The following NRG2 variants were observed in gnomAD, a reference collection of about 807,000 sequenced individuals.
The protein encoded by NRG2 is neuregulin 2, also known as pro-neuregulin-2, membrane-bound isoform.
A neutral mutation model predicts 73.9 loss-of-function variants in NRG2; 27 were observed. That is an observed-to-expected ratio of 0.37 (90% confidence interval 0.27 to 0.50). NRG2 has a LOEUF of 0.50. Ranked by LOEUF, NRG2 falls within the 20% of genes least tolerant of loss-of-function variation. The pLI is 0.96. For missense variants in NRG2, 1,126 were observed against 1,210.1 expected (o/e 0.93, Z 1.03); for synonymous variants, 532 against 541.0 (o/e 0.98, Z 0.23).
intron 1 of NRG2, among the ~76,000 whole-genome samples, chr5:139,890,851 C>T (rs1764171285): frequency 6.6e-6 from 1 of 152,158 alleles, no homozygotes; most frequent in African/African-American, 2.4e-5. Context: ...GTGTATATAG[C>T]TCAATGACTG....
chr5:140,033,528 G>A (rs1331654368), intron 1 of NRG2, among the ~76,000 whole-genome samples: 1 of 152,154 alleles, frequency 6.6e-6, no homozygotes, highest in East Asian at 1.9e-4. Context: ...AGATCTGTGG[G>A]CTACTTGGGA....
chr5:139,983,423 C>A (rs2126567880), intron 1 of NRG2, among the ~76,000 whole-genome samples: 1 of 152,364 alleles, frequency 6.6e-6, no homozygotes, highest in Non-Finnish European at 1.5e-5. Context: ...GCGGGCCCAT[C>A]TGGATCTGCT....
intron 2 of NRG2, among the ~76,000 whole-genome samples, chr5:139,882,258 G>T (rs185690440): frequency 1.3e-5 from 2 of 152,250 alleles, no homozygotes; most frequent in East Asian, 3.9e-4. Flanking sequence ...GGCTGGGCCA[G>T]GGTCAAGGAG....
At chr5:140,023,731 C>T (rs1423830980) in intron 1 of NRG2, among the ~76,000 whole-genome samples, 2 of 152,108 alleles carry the variant, frequency 1.3e-5, no homozygotes, top group African/African-American at 2.4e-5. Flanking sequence ...GACTGCACAC[C>T]CATCTAGCTG....
intron 2 of NRG2, among the ~76,000 whole-genome samples, chr5:139,884,132 AAGGGGGTATCTGGGTAC>A (rs1240753724): frequency 6.6e-6 from 1 of 152,100 alleles, no homozygotes; most frequent in African/African-American, 2.4e-5. Context: ...TATAGCGGAG[AAGGGGGTATCTGGGTAC>A]AGGGATCCAG....
At chr5:139,899,886 C>T (rs187880848) in intron 1 of NRG2, among the ~76,000 whole-genome samples, 430 of 152,300 alleles carry the variant, frequency 2.8e-3, no homozygotes, top group South Asian at 6.4e-3. Context: ...CTTAAGATCT[C>T]ATCCTGCCAC....
At position 139,865,706 on chromosome 5, in the gene NRG2, G is replaced by T; in HGVS notation, c.1113-81C>A. On this transcript the variant is annotated intron_variant, in intron 4 of 9. Coordinates refer to ENST00000361474, the MANE Select transcript of NRG2 (RefSeq NM_004883.3). This position sits in a 1 kb window ranked among gnomAD's most constrained non-coding sequence, Gnocchi z 5.2. ...AAGGTTAGAAATCAAAGTGCACAGT[G>T]ATGAATGAGAAAAACCAAGTCAGGC... The T allele has an allele frequency of 8.2e-7, 1 of 1,215,546 alleles. No homozygotes were observed. Among genetic ancestry groups the T allele is most frequent in the Non-Finnish European group, 1.2e-6 (1 of 851,296 alleles). 75.3% of individuals were successfully genotyped at this position (1,215,546 alleles called of 1,614,324 possible). A position where few individuals can be genotyped will look rare whatever the true frequency, so the allele number is the denominator to read the frequency against.
At chr5:140,021,468 A>G (rs1479832695) in intron 1 of NRG2, among the ~76,000 whole-genome samples, 1 of 152,214 alleles carries the variant, frequency 6.6e-6, no homozygotes, top group Non-Finnish European at 1.5e-5. Flanking sequence ...GTGGGTATGG[A>G]ACACTGGAAT....
chr5:139,937,210 C>T (rs1293560540), intron 1 of NRG2, among the ~76,000 whole-genome samples: 1 of 152,192 alleles, frequency 6.6e-6, no homozygotes, highest in Non-Finnish European at 1.5e-5. Context: ...GTAATTCACT[C>T]TATTAACAAA....
chr5:139,860,027 C>A, intron 5 of NRG2: 1 of 1,051,836 alleles, frequency 9.5e-7, no homozygotes, highest in Non-Finnish European at 1.4e-6. Context: ...CCTCAGACAC[C>A]GGGCAGCCAT....
In NRG2 at chr5:139,889,070, G is replaced by T. The variant is rs191774098; in HGVS notation, c.701-1559C>A. On this transcript the variant is annotated intron_variant, in intron 1 of 9. Coordinates refer to ENST00000361474, the MANE Select transcript of NRG2 (RefSeq NM_004883.3). ...GTGTATTCTATAAGCAGGAGTATCT[G>T]GAGAGATGAAAACAGATATTACTTG... 1.9e-3 allele frequency among the ~76,000 whole-genome samples: 289 copies of T among 152,274 alleles called. 2 individuals carry two copies. Among genetic ancestry groups the T allele is most frequent in the Middle Eastern group, 6.8e-3 (2 of 294 alleles).
chr5:139,858,544 T>C (rs1761948949), intron 5 of NRG2, among the ~76,000 whole-genome samples: 1 of 152,182 alleles, frequency 6.6e-6, no homozygotes, highest in Admixed American at 6.5e-5. Context: ...GGACTGTGTG[T>C]CTGGTAAATT....
chr5:139,933,252 C>A (rs1451309286), intron 1 of NRG2, among the ~76,000 whole-genome samples: 4 of 151,756 alleles, frequency 2.6e-5, no homozygotes, highest in African/African-American at 9.7e-5. Context: ...TCCAGCCTGG[C>A]TGACAGAGTG....
Position 139,915,674 on chromosome 5 carries a change from C to G in NRG2, c.701-28163G>C, listed in dbSNP as rs138548206. Among the ~76,000 whole-genome samples the G allele has an allele frequency of 6.6e-6, 1 of 152,142 alleles. No homozygotes were observed. Among genetic ancestry groups the G allele is most frequent in the African/African-American group, 2.4e-5 (1 of 41,426 alleles). Reference sequence around the variant, plus strand: ...TCAGACAACTCTGAATATTGTCATTCAATTTACAAGTAGCAGAACTGTATA... The same window carrying G: ...TCAGACAACTCTGAATATTGTCATTGAATTTACAAGTAGCAGAACTGTATA... On this transcript the variant is annotated intron_variant, in intron 1 of 9. Transcript: ENST00000361474. This position sits in a 1 kb window ranked among gnomAD's most constrained non-coding sequence, Gnocchi z 4.0.
At chr5:139,943,728 G>A (rs933895134) in intron 1 of NRG2, among the ~76,000 whole-genome samples, 1 of 152,132 alleles carries the variant, frequency 6.6e-6, no homozygotes. Context: ...TTGACATAAT[G>A]AGGATGCACC....
chr5:139,947,163 A>G (rs2126450003), intron 1 of NRG2, among the ~76,000 whole-genome samples: 1 of 152,306 alleles, frequency 6.6e-6, no homozygotes, highest in African/African-American at 2.4e-5. Flanking sequence ...ATATTCAAAG[A>G]GTGGTACAAC....
intron 4 of NRG2, among the ~76,000 whole-genome samples, chr5:139,867,762 CTG>C (rs367771225): frequency 0.12 from 15,153 of 128,754 alleles, 887 homozygotes; most frequent in Middle Eastern, 0.2. Context: ...GAAGGGAAAC[CTG>C]TGTGTGTGTG....
At chr5:139,963,086 T>C (rs1755205246) in intron 1 of NRG2, among the ~76,000 whole-genome samples, 1 of 152,184 alleles carries the variant, frequency 6.6e-6, no homozygotes, top group African/African-American at 2.4e-5. Context: ...ACATGGAACA[T>C]ATACTAGTGA....
At chr5:139,884,993 A>AG (rs1478248489) in intron 2 of NRG2, among the ~76,000 whole-genome samples, 1 of 152,098 alleles carries the variant, frequency 6.6e-6, no homozygotes, top group Non-Finnish European at 1.5e-5. Flanking sequence ...CACAGTTGAG[A>AG]GGGGAACACA....
Sources: gnomAD v4.1 joint callset for allele counts (sites outside exome capture counted in the v4.1 genomes callset) on GRCh38, gnomAD v4.1.1 for gene constraint, Gnocchi (gnomAD v3.1) non-coding constraint, MANE v1.5 for transcripts, NCBI Gene and HGNC (gene_info 2026-07-23, HGNC 2026-07-21) for gene names.